The following RAP1GAP2 variants were observed in gnomAD, a reference collection of about 807,000 sequenced individuals.
The protein encoded by RAP1GAP2 is rap1 GTPase-activating protein 2.
Under a neutral mutation model 95.0 loss-of-function variants are expected in RAP1GAP2, and 27 were observed. The ratio of observed to expected loss-of-function variants is 0.28; its 90% confidence interval spans 0.21 to 0.39. The LOEUF (loss-of-function observed/expected upper bound fraction) is 0.39, where lower values mean the gene tolerates loss of function less well. RAP1GAP2 is among the 10% of genes least tolerant of loss of function. The pLI is 1.00. For synonymous variants in RAP1GAP2, 373 were observed against 380.9 expected (o/e 0.98, Z 0.24); for missense variants, 771 against 970.0 (o/e 0.79, Z 2.72).
intron 8 of RAP1GAP2, among the ~76,000 whole-genome samples, chr17:2,967,036 T>G (rs2151498266): frequency 6.6e-6 from 1 of 152,214 alleles, no homozygotes. Flanking sequence ...TAAAAGTAGG[T>G]GAATATTGAG....
intron 3 of RAP1GAP2, among the ~76,000 whole-genome samples, chr17:2,952,013 G>A (rs528416717): frequency 6.0e-5 from 9 of 150,598 alleles, no homozygotes; most frequent in African/African-American, 1.9e-4. Context: ...CAGCCTGGGC[G>A]ATAGAGTGAG....
chr17:2,934,197 T>G (rs2043236857), intron 3 of RAP1GAP2, among the ~76,000 whole-genome samples: 1 of 152,250 alleles, frequency 6.6e-6, no homozygotes, highest in Non-Finnish European at 1.5e-5. Context: ...AATGGCACGA[T>G]CTCGGCTCAC....
chr17:2,796,666 C>T lies in RAP1GAP2; in HGVS notation c.44+95C>T, dbSNP rs1425506238. ...TGGCGGCCGTGGGAACAGAGGGGCT[C>T]GGGCTGTGCCTGAGAGCTGGGTCTG... is the stretch of plus-strand genomic sequence containing the variant. On this transcript the variant is annotated intron_variant, in intron 1 of 24. Transcript: ENST00000254695. This position sits in a 1 kb window ranked among gnomAD's most constrained non-coding sequence, Gnocchi z 4.7. 3 of 1,406,098 alleles carry T rather than the reference C, an allele frequency of 2.1e-6. No individual in the cohort carries two copies. Among genetic ancestry groups the T allele is most frequent in the South Asian group, 2.5e-5 (2 of 80,902 alleles). 87.1% of individuals were successfully genotyped at this position (1,406,098 alleles called of 1,614,324 possible). A position where few individuals can be genotyped will look rare whatever the true frequency, so the allele number is the denominator to read the frequency against.
At chr17:2,910,787 G>A (rs1410124012) in intron 3 of RAP1GAP2, among the ~76,000 whole-genome samples, 1 of 152,054 alleles carries the variant, frequency 6.6e-6, no homozygotes, top group Non-Finnish European at 1.5e-5. Context: ...ATGTAATGGC[G>A]CGATCTCGGC....
At chr17:2,961,217 CA>C (rs113625406) in intron 4 of RAP1GAP2, among the ~76,000 whole-genome samples, 11,057 of 116,908 alleles carry the variant, frequency 0.095, 1,406 homozygotes, top group African/African-American at 0.3. Context: ...AACTCCATCT[CA>C]AAAAAAAAAG....
intron 2 of RAP1GAP2, among the ~76,000 whole-genome samples, chr17:2,837,874 G>T (rs1226494413): frequency 2.0e-5 from 3 of 151,428 alleles, no homozygotes; most frequent in African/African-American, 7.3e-5. Context: ...CCAAAGTGCT[G>T]GGATTACAGG....
chr17:2,938,026 G>A (rs2043355849), intron 3 of RAP1GAP2, among the ~76,000 whole-genome samples: 2 of 152,176 alleles, frequency 1.3e-5, no homozygotes, highest in African/African-American at 4.8e-5. Context: ...GTGCCTGGTG[G>A]CAGGCTGGGC....
intron 1 of RAP1GAP2, among the ~76,000 whole-genome samples, chr17:2,784,857 G>A (rs369231363): frequency 3.8e-4 from 58 of 152,348 alleles, no homozygotes; most frequent in African/African-American, 1.3e-3. Context: ...TGGGGCTCAG[G>A]CAGAATTGCT....
At chr17:2,784,211 G>T (rs1332686687) in intron 1 of RAP1GAP2, among the ~76,000 whole-genome samples, 2 of 152,096 alleles carry the variant, frequency 1.3e-5, no homozygotes, top group Non-Finnish European at 2.9e-5. Context: ...CTGACCTTGT[G>T]ATCTGTCCTC....
chr17:2,977,116 T>A (rs1007719368), intron 8 of RAP1GAP2, among the ~76,000 whole-genome samples: 1 of 127,430 alleles, frequency 7.8e-6, no homozygotes, highest in Admixed American at 8.2e-5. Flanking sequence ...AGAATGAAAC[T>A]CCATCTCAAA....
chr17:2,930,824 T>C (rs1354470429), intron 3 of RAP1GAP2, among the ~76,000 whole-genome samples: 1 of 151,866 alleles, frequency 6.6e-6, no homozygotes, highest in Non-Finnish European at 1.5e-5. Context: ...AGAAATACAA[T>C]ATAAAACAAA....
chr17:2,901,154 G>A (rs1040779045), intron 2 of RAP1GAP2, among the ~76,000 whole-genome samples: 1 of 152,290 alleles, frequency 6.6e-6, no homozygotes, highest in Middle Eastern at 3.4e-3. Flanking sequence ...TGGTCTCCCT[G>A]AGCCTCCCCA....
At chr17:3,021,616 G>A (rs916777113) in intron 19 of RAP1GAP2, among the ~76,000 whole-genome samples, 2 of 152,014 alleles carry the variant, frequency 1.3e-5, no homozygotes, top group African/African-American at 4.8e-5. Flanking sequence ...TGTAATTTTG[G>A]TAGAGACGGG....
intron 17 of RAP1GAP2, among the ~76,000 whole-genome samples, chr17:3,013,627 C>CTTTTTTTTTTTTTT: frequency 1.3e-5 from 1 of 78,930 alleles, no homozygotes; most frequent in Non-Finnish European, 2.4e-5. Flanking sequence ...CTTTTCTTTT[C>CTTTTTTTTTTTTTT]TTTTCTTTTT....
intron 8 of RAP1GAP2, among the ~76,000 whole-genome samples, 190 bp from the exon 9 acceptor site, chr17:2,980,097 C>T (rs1056586366): frequency 3.3e-5 from 5 of 152,092 alleles, no homozygotes; most frequent in Admixed American, 2.0e-4. Context: ...TCCGCCACCA[C>T]GTCTGGCTAA....
rs528133791 is a variant in RAP1GAP2, at chr17:2,765,886, T to G, written c.51-4443T>G. Among the ~76,000 whole-genome samples, 7 of 152,184 alleles carry G rather than the reference T, an allele frequency of 4.6e-5. No individual in the cohort carries two copies. In the East Asian group the frequency reaches 1.3e-3, roughly 29 times the overall value. Reference sequence around the variant, plus strand: ...CGGGAGGCTGAGGCTCGAGAATTGCTTGAACCCGGGAGGTGGAGGTTGCAG... The same window carrying G: ...CGGGAGGCTGAGGCTCGAGAATTGCGTGAACCCGGGAGGTGGAGGTTGCAG... On this transcript the variant is annotated intron_variant, in intron 1 of 25. Transcript: ENST00000637138.
intron 14 of RAP1GAP2, 102 bp downstream of exon 14, chr17:2,998,478 C>G (rs1480315197): frequency 3.6e-6 from 5 of 1,386,086 alleles, no homozygotes; most frequent in Non-Finnish European, 4.9e-6. Flanking sequence ...GTCAGAGATT[C>G]TCCATGAGTT....
chr17:2,856,477 C>T (rs1473009600), intron 2 of RAP1GAP2, among the ~76,000 whole-genome samples: 8 of 152,112 alleles, frequency 5.3e-5, no homozygotes, highest in South Asian at 2.1e-4. Flanking sequence ...GGGGTTTGAT[C>T]GGAACTGTTC....
rs903115670 is a variant in RAP1GAP2, at chr17:3,023,104, C to G, written c.1751+2509C>G. ...TTGAACCATCCTTGCATCCCTGGAA[C>G]AAATCCCATGGTGAATTGATCATGG... On this transcript the variant is annotated intron_variant, in intron 19 of 24. Coordinates refer to ENST00000254695, the MANE Select transcript of RAP1GAP2 (RefSeq NM_015085.5). 2.0e-5 allele frequency among the ~76,000 whole-genome samples: 3 copies of G among 152,212 alleles called. No individual in the cohort carries two copies. The East Asian group carries it at 5.8e-4, about 29-fold the overall frequency.
Sources: allele counts gnomAD v4.1 joint callset (sites outside exome capture counted in the v4.1 genomes callset), GRCh38; gene constraint gnomAD v4.1.1; non-coding constraint Gnocchi (gnomAD v3.1); transcripts MANE v1.5; gene names NCBI Gene and HGNC (gene_info 2026-07-23, HGNC 2026-07-21).